Variants in GNA13 observed in about 807,000 individuals in gnomAD.
GNA13 encodes guanine nucleotide-binding protein subunit alpha-13.
In GNA13, 4 loss-of-function variants were observed where a neutral mutation model predicts 33.5. The observed-to-expected ratio is 0.12, with a 90% CI of 0.06 to 0.27. GNA13 has a LOEUF of 0.27. Among genes scored for constraint, GNA13 ranks in the 10% least tolerant of loss-of-function variants. The probability of loss-of-function intolerance (pLI) is 1.00; values close to 1 mark genes in which losing one functional copy is unlikely to be tolerated. For missense variants in GNA13, 319 were observed against 487.2 expected, an observed-to-expected ratio of 0.65 and a Z score of 3.25; for synonymous variants, 176 against 183.8, an observed-to-expected ratio of 0.96 and a Z score of 0.34.
Position 65,013,710 on chromosome 17 carries a change from C to A in GNA13, c.*547G>T, listed in dbSNP as rs1486277632. 2.9e-5 allele frequency: 6 copies of A among 208,156 alleles called. No individual in the cohort carries two copies. Among genetic ancestry groups the A allele is most frequent in the Non-Finnish European group, 5.9e-5 (6 of 102,100 alleles). The allele number at this position is 208,156 out of a possible 1,614,324, so 12.9% of individuals were successfully genotyped here. A position where few individuals can be genotyped will look rare whatever the true frequency, so the allele number is the denominator to read the frequency against. On this transcript the variant is annotated 3_prime_UTR_variant, in exon 4 of 4. Coordinates refer to ENST00000439174, the MANE Select transcript of GNA13 (RefSeq NM_006572.6). The stretch of plus-strand genomic sequence containing the variant: ...AAAAGCAAAACAGCTGTTGTGTATA[C>A]AAGCAATTAAAATATGAAGGCTAAA...
chr17:65,020,331 G>A (rs997220811), intron 2 of GNA13, among the ~76,000 whole-genome samples: 23 of 152,084 alleles, frequency 1.5e-4, no homozygotes, highest in African/African-American at 5.6e-4. Flanking sequence ...ACTCCTCCAG[G>A]TCTCCATTTC....
At position 65,038,045 on chromosome 17, in the gene GNA13, G is replaced by A. The variant is rs546036328; in HGVS notation, c.510+15457C>T. ...AGATCTCAACCTAGTACTTAAGCTC[G>A]TTGACTTCCAACAGGGTTATGCCTC... On this transcript the variant is annotated intron_variant, in intron 2 of 3. Transcript: ENST00000439174. 2.6e-5 allele frequency among the ~76,000 whole-genome samples: 4 copies of A among 152,144 alleles called. No homozygotes were observed. The South Asian group carries it at 8.3e-4, about 32-fold the overall frequency.
At chr17:65,055,659 C>G (rs185266287) in intron 1 of GNA13, 3 of 985,298 alleles carry the variant, frequency 3.0e-6, no homozygotes, top group Non-Finnish European at 3.6e-6. Flanking sequence ...TGGGTCCACT[C>G]TCTCCTGATT....
chr17:65,027,403 C>T (rs913940783), intron 2 of GNA13, among the ~76,000 whole-genome samples: 1 of 151,774 alleles, frequency 6.6e-6, no homozygotes, highest in African/African-American at 2.4e-5. Flanking sequence ...CTGCCTCAGC[C>T]TTCCAAGTAG....
At chr17:65,048,177 G>A (rs964860347) in intron 2 of GNA13, among the ~76,000 whole-genome samples, 1 of 152,124 alleles carries the variant, frequency 6.6e-6, no homozygotes, top group Non-Finnish European at 1.5e-5. Context: ...CACACACACT[G>A]TCCTGTCCTA....
At chr17:65,055,553 G>A in intron 1 of GNA13, 1 of 954,842 alleles carries the variant, frequency 1.0e-6, no homozygotes, top group Non-Finnish European at 1.2e-6. Flanking sequence ...GAAAAGGAGA[G>A]TGGAACGTGT....
intron 2 of GNA13, among the ~76,000 whole-genome samples, chr17:65,044,233 C>T (rs1459657949): frequency 6.6e-6 from 1 of 152,186 alleles, no homozygotes; most frequent in East Asian, 1.9e-4. Flanking sequence ...CAGATTGGTA[C>T]TTTGGCCAAG....
intron 3 of GNA13, among the ~76,000 whole-genome samples, chr17:65,017,741 G>C (rs1397576752): frequency 6.6e-6 from 1 of 152,142 alleles, no homozygotes; most frequent in Non-Finnish European, 1.5e-5. Context: ...TCGACACAAA[G>C]GGGGCATGAA....
At chr17:65,051,368 C>A (rs1158263062) in intron 2 of GNA13, among the ~76,000 whole-genome samples, 1 of 152,184 alleles carries the variant, frequency 6.6e-6, no homozygotes, top group South Asian at 2.1e-4. Context: ...GTAATCCCAG[C>A]ACTTTGGGAG....
At position 65,056,642 on chromosome 17, in the gene GNA13, C is replaced by T. The variant is rs755303672; in HGVS notation, c.-49G>A. The T allele has an allele frequency of 6.7e-6, 10 of 1,494,230 alleles. No individual in the cohort carries two copies. Among genetic ancestry groups the T allele is most frequent in the Non-Finnish European group, 8.0e-6 (9 of 1,118,236 alleles). The allele number at this position is 1,494,230 out of a possible 1,614,324, so 92.6% of individuals were successfully genotyped here. On this transcript the variant is annotated 5_prime_UTR_variant, in exon 1 of 4. Coordinates refer to ENST00000439174, the MANE Select transcript of GNA13 (RefSeq NM_006572.6). ...GGCGGGCCCCTCCGGCTCCCTCCAC[C>T]TCCTCCTCCGGCGGCGGGCGGCTCC...
chr17:65,013,589 C>T lies in GNA13; in HGVS notation c.*668G>A, dbSNP rs1446841028. ...CAGCATTAGCTTGCCTTTTGCTCTC[C>T]CATACCACCTGTGAACTCTTCATCA... On this transcript the variant is annotated 3_prime_UTR_variant, in exon 4 of 4. Coordinates refer to ENST00000439174, the MANE Select transcript of GNA13 (RefSeq NM_006572.6). 1 of 219,948 alleles carries T rather than the reference C, an allele frequency of 4.5e-6. No homozygotes were observed. The highest frequency in any genetic ancestry group is 9.1e-6 in the Non-Finnish European group (1 of 109,466). 13.6% of individuals were successfully genotyped at this position (219,948 alleles called of 1,614,324 possible). A position where few individuals can be genotyped will look rare whatever the true frequency, so the allele number is the denominator to read the frequency against.
At chr17:65,033,908 G>A (rs889819632) in intron 2 of GNA13, among the ~76,000 whole-genome samples, 3 of 150,250 alleles carry the variant, frequency 2.0e-5, no homozygotes, top group African/African-American at 7.4e-5. Context: ...AGCTACTCGA[G>A]AGGCTGAGGC....
At chr17:65,056,277 C>T (rs1267413076) in intron 1 of GNA13, 34 bp downstream of exon 1, 1 of 1,490,674 alleles carries the variant, frequency 6.7e-7, no homozygotes, top group Non-Finnish European at 9.1e-7. Flanking sequence ...GCCCCCCTGC[C>T]CTTAACCCCC....
At chr17:65,033,247 G>A (rs566977404) in intron 2 of GNA13, among the ~76,000 whole-genome samples, 1 of 152,204 alleles carries the variant, frequency 6.6e-6, no homozygotes, top group East Asian at 1.9e-4. Context: ...TGCTTTGGGA[G>A]GCCAAGGTGG....
intron 2 of GNA13, among the ~76,000 whole-genome samples, chr17:65,040,271 G>T (rs1436768474): frequency 1.3e-5 from 2 of 152,116 alleles, no homozygotes; most frequent in African/African-American, 4.8e-5. Context: ...AATTCTCCTT[G>T]TTCTAGTCTA....
rs1906282724 is a variant in GNA13, at chr17:65,014,129, T to A, written c.*128A>T. 1.6e-6 allele frequency: 1 copy of A among 637,568 alleles called. No individual in the cohort carries two copies. The highest frequency in any genetic ancestry group is 2.7e-6 in the Non-Finnish European group (1 of 368,596). 39.5% of individuals were successfully genotyped at this position (637,568 alleles called of 1,614,324 possible). ...AAAGGCCGCAGAAAAAGTACTAAGA[T>A]TTTCAAGAAGTTAAACGTAGAATTA... On this transcript the variant is annotated 3_prime_UTR_variant, in exon 4 of 4. Transcript: ENST00000439174. The surrounding 1 kb of genome is among the most constrained non-coding windows in gnomAD (Gnocchi z 5.3).
At chr17:65,045,238 AGC>A (rs150512389) in intron 2 of GNA13, among the ~76,000 whole-genome samples, 12,754 of 152,048 alleles carry the variant, frequency 0.084, 587 homozygotes, top group Middle Eastern at 0.12. Context: ...AACTGTGTTC[AGC>A]CAGGCATGGC....
rs1391534649 is a variant in GNA13 at position 65,056,294 on chromosome 17, C to T, written c.283+17G>A. 5.0e-6 allele frequency: 8 copies of T among 1,592,244 alleles called. No homozygotes were observed. The highest frequency in any genetic ancestry group is 6.8e-6 in the Non-Finnish European group (8 of 1,170,528). ...CCCCCTGCCCTTAACCCCCGGCCCC[C>T]ATTCCCGGCCCGGCACCTTTGATCA... On this transcript the variant is annotated intron_variant, in intron 1 of 3. Transcript: ENST00000439174.
intron 2 of GNA13, among the ~76,000 whole-genome samples, chr17:65,022,561 AT>A (rs1906620947): frequency 1.3e-5 from 2 of 152,232 alleles, no homozygotes; most frequent in Non-Finnish European, 2.9e-5. Flanking sequence ...TGCTAGAAGA[AT>A]ACAATGTATG....
Sources: allele counts gnomAD v4.1 joint callset (sites outside exome capture counted in the v4.1 genomes callset), GRCh38; gene constraint gnomAD v4.1.1; non-coding constraint Gnocchi (gnomAD v3.1); transcripts MANE v1.5; gene names NCBI Gene and HGNC (gene_info 2026-07-23, HGNC 2026-07-21).